CWC27: variants seen among roughly 807,000 people sequenced by gnomAD.
CWC27 encodes spliceosome-associated protein CWC27 homolog.
In CWC27, 47 loss-of-function variants were observed where a neutral mutation model predicts 63.6. The observed-to-expected ratio is 0.74, with a 90% confidence interval of 0.58 to 0.94. The LOEUF is 0.94. CWC27 is among the 40% of genes least tolerant of loss of function. The pLI is 0.00. For synonymous variants in CWC27, 175 were observed against 179.8 expected (o/e 0.97, Z 0.22); for missense variants, 495 against 554.3 (o/e 0.89, Z 1.07).
intron 10 of CWC27, among the ~76,000 whole-genome samples, chr5:64,836,448 C>T (rs920362511): frequency 3.9e-5 from 6 of 151,990 alleles, no homozygotes; most frequent in Non-Finnish European, 5.9e-5. Context: ...AGAAATATCT[C>T]CTCTGTGGAG....
At chr5:64,893,344 A>G (rs1747286536) in intron 11 of CWC27, among the ~76,000 whole-genome samples, 1 of 152,242 alleles carries the variant, frequency 6.6e-6, no homozygotes, top group Admixed American at 6.5e-5. Context: ...ATCTTGCAGC[A>G]CTTAATCAAA....
chr5:64,947,206 G>T (rs1748606549), intron 11 of CWC27, among the ~76,000 whole-genome samples: 1 of 152,040 alleles, frequency 6.6e-6, no homozygotes, highest in African/African-American at 2.4e-5. Context: ...TCATCAGTAG[G>T]GTTGGCACCA....
chr5:64,943,765 T>C, intron 11 of CWC27, among the ~76,000 whole-genome samples: 1 of 152,148 alleles, frequency 6.6e-6, no homozygotes, highest in East Asian at 1.9e-4. Context: ...TAGAAAAGCA[T>C]CCAAAACAGG....
chr5:65,013,285 T>C (rs190715385), intron 13 of CWC27, among the ~76,000 whole-genome samples: 65 of 152,260 alleles, frequency 4.3e-4, no homozygotes, highest in African/African-American at 1.5e-3. Context: ...GGTAGATGTT[T>C]TAGGGAGTTT....
intron 9 of CWC27, among the ~76,000 whole-genome samples, chr5:64,803,624 G>T (rs1457537654): frequency 6.6e-6 from 1 of 152,152 alleles, no homozygotes; most frequent in Non-Finnish European, 1.5e-5. Flanking sequence ...AAGCAATGAA[G>T]AGATATCTGG....
intron 11 of CWC27, among the ~76,000 whole-genome samples, chr5:64,917,940 A>ACAC (rs1035201129): frequency 6.6e-6 from 1 of 152,022 alleles, no homozygotes; most frequent in African/African-American, 2.4e-5. Context: ...ATACATACAC[A>ACAC]CACACACACA....
chr5:64,847,729 G>A (rs1241209783), intron 10 of CWC27, among the ~76,000 whole-genome samples: 2 of 151,744 alleles, frequency 1.3e-5, no homozygotes, highest in African/African-American at 4.8e-5. Context: ...GAAGAATTTT[G>A]GAAAAATTTA....
chr5:64,873,680 A>G (rs1746729366), intron 10 of CWC27, among the ~76,000 whole-genome samples: 1 of 152,088 alleles, frequency 6.6e-6, no homozygotes, highest in Non-Finnish European at 1.5e-5. Context: ...TTTTTAGTTT[A>G]ATATAGTCCC....
At chr5:64,786,924 C>T (rs1580596611) in intron 6 of CWC27, among the ~76,000 whole-genome samples, 1 of 152,290 alleles carries the variant, frequency 6.6e-6, no homozygotes. Flanking sequence ...GTTTAATTGA[C>T]TCACAATTTC....
intron 10 of CWC27, among the ~76,000 whole-genome samples, chr5:64,840,826 G>A (rs1242398870): frequency 6.6e-6 from 1 of 152,124 alleles, no homozygotes; most frequent in Non-Finnish European, 1.5e-5. Context: ...ATCATAAGGG[G>A]CTAATCAAGG....
At chr5:65,006,964 A>C (rs758636580) in intron 13 of CWC27, among the ~76,000 whole-genome samples, 25 of 14,794 alleles carry the variant, frequency 1.7e-3, no homozygotes, top group South Asian at 2.1e-3. Flanking sequence ...AAAAGACAGA[A>C]AGAAAGAAAG....
intron 7 of CWC27, among the ~76,000 whole-genome samples, chr5:64,796,614 C>A (rs1403634008): frequency 6.6e-6 from 1 of 152,050 alleles, no homozygotes; most frequent in African/African-American, 2.4e-5. Flanking sequence ...AACATCTAGA[C>A]TGGTGTTTGA....
intron 10 of CWC27, among the ~76,000 whole-genome samples, chr5:64,836,621 A>G (rs996766476): frequency 7.2e-5 from 11 of 152,146 alleles, no homozygotes; most frequent in African/African-American, 2.4e-4. Flanking sequence ...GCTCATTCAC[A>G]TCAAGCCTAA....
chr5:64,826,096 T>TATCTATCTATCTATCTATCTATCC lies in CWC27; in HGVS notation c.938+21729_938+21730insTATCCATCTATCTATCTATCTATC, dbSNP rs1232141015. ...TAATAAATCTATCTATCTATCTATC[T>TATCTATCTATCTATCTATCTATCC]ATCTATCTATCTATCTATCCATCCA... On this transcript the variant is annotated intron_variant, in intron 10 of 13. Coordinates refer to ENST00000381070, the MANE Select transcript of CWC27 (RefSeq NM_005869.4). Among the ~76,000 whole-genome samples the TATCTATCTATCTATCTATCTATCC allele has an allele frequency of 4.0e-4, 61 of 152,084 alleles. 1 individual carries two copies. Among genetic ancestry groups the TATCTATCTATCTATCTATCTATCC allele is most frequent in the Admixed American group, 3.6e-3 (55 of 15,270 alleles).
chr5:64,888,352 A>C (rs903869340), intron 11 of CWC27, among the ~76,000 whole-genome samples: 1 of 146,964 alleles, frequency 6.8e-6, no homozygotes, highest in Admixed American at 6.8e-5. Context: ...ATAATAAATA[A>C]TATAAAGTAT....
intron 13 of CWC27, among the ~76,000 whole-genome samples, chr5:64,997,505 G>A (rs1198728269): frequency 6.6e-6 from 1 of 152,098 alleles, no homozygotes; most frequent in Non-Finnish European, 1.5e-5. Context: ...GATCTATCAA[G>A]ATCAGATGAT....
At chr5:64,865,975 G>T (rs1312200187) in intron 10 of CWC27, among the ~76,000 whole-genome samples, 1 of 152,000 alleles carries the variant, frequency 6.6e-6, no homozygotes, top group East Asian at 1.9e-4. Flanking sequence ...AAAATGTTTA[G>T]AACTCAGAAT....
At chr5:64,864,685 G>T (rs1372555893) in intron 10 of CWC27, among the ~76,000 whole-genome samples, 1 of 152,056 alleles carries the variant, frequency 6.6e-6, no homozygotes, top group Non-Finnish European at 1.5e-5. Flanking sequence ...TTTTTAGTAG[G>T]TCTCAGGTAT....
At chr5:64,955,045 T>G (rs1233084579) in intron 11 of CWC27, among the ~76,000 whole-genome samples, 1 of 152,116 alleles carries the variant, frequency 6.6e-6, no homozygotes, top group Non-Finnish European at 1.5e-5. Flanking sequence ...TATAGAGAAA[T>G]ATTTCTTATT....
Sources: allele counts gnomAD v4.1 joint callset (sites outside exome capture counted in the v4.1 genomes callset), GRCh38; gene constraint gnomAD v4.1.1; transcripts MANE v1.5; gene names NCBI Gene and HGNC (gene_info 2026-07-23, HGNC 2026-07-21).